FRY: variants seen among roughly 807,000 people sequenced by gnomAD.
The protein encoded by FRY is FRY microtubule binding protein.
A neutral mutation model predicts 348.4 loss-of-function variants in FRY; 128 were observed. That is an observed-to-expected ratio of 0.37 (90% CI 0.32 to 0.43). The LOEUF is 0.43. FRY is among the 20% of genes least tolerant of loss of function. The probability of loss-of-function intolerance (pLI) is 1.00; values close to 1 mark genes in which losing one functional copy is unlikely to be tolerated. For synonymous variants in FRY, 1,370 were observed against 1,374.7 expected (o/e 1.00, Z 0.08); for missense variants, 2,736 against 3,695.2 (o/e 0.74, Z 6.73).
chr13:32,154,517 C>G (rs1481896881), intron 14 of FRY, among the ~76,000 whole-genome samples: 1 of 152,116 alleles, frequency 6.6e-6, no homozygotes, highest in Admixed American at 6.6e-5. Context: ...CAAAGCTTCC[C>G]ACTATACCTC....
intron 35 of FRY, among the ~76,000 whole-genome samples, chr13:32,215,957 G>A (rs1043832399): frequency 2.0e-5 from 3 of 152,130 alleles, no homozygotes; most frequent in Non-Finnish European, 4.4e-5. Flanking sequence ...AGCTAAAGTA[G>A]TAAACCTCAC....
At chr13:32,235,796 C>T (rs974575117) in intron 42 of FRY, among the ~76,000 whole-genome samples, 1 of 152,044 alleles carries the variant, frequency 6.6e-6, no homozygotes, top group African/African-American at 2.4e-5. Flanking sequence ...TTTCAAATGC[C>T]CACCCTCCCC....
intron 1 of FRY, among the ~76,000 whole-genome samples, chr13:32,063,599 T>G (rs1874072310): frequency 6.6e-6 from 1 of 152,230 alleles, no homozygotes; most frequent in African/African-American, 2.4e-5. Flanking sequence ...TCTGCTATTT[T>G]TCTCTTCTCC....
intron 29 of FRY, among the ~76,000 whole-genome samples, chr13:32,195,478 A>T (rs929778266): frequency 2.0e-5 from 3 of 152,178 alleles, no homozygotes; most frequent in African/African-American, 7.2e-5. Flanking sequence ...TTTAAAAAAT[A>T]TATTTAGAAT....
chr13:32,263,626 A>G (rs552419595), intron 53 of FRY, among the ~76,000 whole-genome samples: 139 of 152,326 alleles, frequency 9.1e-4, no homozygotes, highest in Non-Finnish European at 1.6e-3. Flanking sequence ...CACAAAATAT[A>G]TGTGCATTTG....
At chr13:32,269,188 T>A (rs1306288400) in intron 55 of FRY, among the ~76,000 whole-genome samples, 3 of 152,206 alleles carry the variant, frequency 2.0e-5, no homozygotes, top group Non-Finnish European at 4.4e-5. Context: ...ACTAAAATTA[T>A]GTCCCTCTTA....
chr13:32,285,047 C>A (rs1466400626), intron 58 of FRY, among the ~76,000 whole-genome samples: 1 of 152,070 alleles, frequency 6.6e-6, no homozygotes, highest in Non-Finnish European at 1.5e-5. Context: ...GAAAACATAC[C>A]TCTAAATCCA....
intron 51 of FRY, among the ~76,000 whole-genome samples, chr13:32,260,539 C>A (rs1887575323): frequency 6.6e-6 from 1 of 152,080 alleles, no homozygotes; most frequent in Admixed American, 6.6e-5. Flanking sequence ...CTTACATGGC[C>A]ACTTAAGCTA....
chr13:32,256,015 A>G (rs868788280), intron 51 of FRY, among the ~76,000 whole-genome samples: 9 of 152,348 alleles, frequency 5.9e-5, no homozygotes, highest in Non-Finnish European at 1.0e-4. Context: ...TGTAAAGCGA[A>G]GTAATCCGAC....
At chr13:32,066,895 T>G (rs1423024360) in intron 1 of FRY, among the ~76,000 whole-genome samples, 1 of 152,258 alleles carries the variant, frequency 6.6e-6, no homozygotes, top group African/African-American at 2.4e-5. Context: ...GTTTTTCATA[T>G]ATGCTCTTCT....
At chr13:32,255,583 G>A (rs1048552580) in intron 51 of FRY, among the ~76,000 whole-genome samples, 11 of 152,160 alleles carry the variant, frequency 7.2e-5, no homozygotes, top group Non-Finnish European at 1.0e-4. Context: ...GATCCGGTCC[G>A]TAAGCAGTAT....
chr13:32,264,558 T>C (rs1229008837), intron 53 of FRY, among the ~76,000 whole-genome samples: 3 of 152,222 alleles, frequency 2.0e-5, no homozygotes, highest in African/African-American at 7.2e-5. Flanking sequence ...TGATCTGTAA[T>C]CCAGTTGCCT....
At chr13:32,090,822 AT>A (rs1876248219) in intron 2 of FRY, among the ~76,000 whole-genome samples, 1 of 152,058 alleles carries the variant, frequency 6.6e-6, no homozygotes. Flanking sequence ...CACTGTTCAA[AT>A]AATGGATTTG....
At chr13:32,287,141 G>T (rs1405843618) in intron 58 of FRY, among the ~76,000 whole-genome samples, 2 of 151,232 alleles carry the variant, frequency 1.3e-5, no homozygotes, top group African/African-American at 4.9e-5. Flanking sequence ...CTCCAGCCTG[G>T]GCGACAGAGT....
At chr13:32,278,305 C>T (rs924338152) in intron 57 of FRY, among the ~76,000 whole-genome samples, 160 bp from the exon 58 acceptor site, 4 of 152,232 alleles carry the variant, frequency 2.6e-5, no homozygotes, top group African/African-American at 9.6e-5. Flanking sequence ...AACAGTTCAT[C>T]TTTAACCCCC....
At position 32,228,631 on chromosome 13, in the gene FRY, G is replaced by C; in HGVS notation, c.5382G>C (p.Lys1794Asn). ...CTGAAACAGATGAGAAGGCAAACAAGCTCATTGAGTTTCTCACGACCAGGT... is the reference window on the plus strand; with the variant it reads ...CTGAAACAGATGAGAAGGCAAACAACCTCATTGAGTTTCTCACGACCAGGT... The part of the protein sequence containing the change: ...TAAETDEKAN[K>N]LIEFLTTRAF... The change falls in exon 40 of 61, where the codon AAG (lysine) becomes AAC (asparagine). Residue 1794 changes from lysine (K) to asparagine (N), a missense_variant. This residue lies in a region of FRY where 794 missense variants were observed against 977.0 expected (regional missense o/e 0.81). Coordinates refer to ENST00000542859, the MANE Select transcript of FRY (RefSeq NM_023037.3). The C allele has an allele frequency of 1.9e-6, 3 of 1,614,118 alleles. No homozygotes were observed. In the African/African-American group the frequency reaches 4.0e-5, roughly 22 times the overall value.
chr13:32,074,352 T>G (rs1390298244), intron 1 of FRY, among the ~76,000 whole-genome samples: 1 of 152,006 alleles, frequency 6.6e-6, no homozygotes, highest in African/African-American at 2.4e-5. Flanking sequence ...AAACCAAGAT[T>G]AAAATGTAAA....
At chr13:32,126,603 C>T (rs1879035721) in intron 7 of FRY, among the ~76,000 whole-genome samples, 1 of 152,230 alleles carries the variant, frequency 6.6e-6, no homozygotes, top group Admixed American at 6.5e-5. Flanking sequence ...ACCGTTTGGC[C>T]AGTCTGCTCT....
chr13:32,212,893 C>G (rs1306818443), intron 35 of FRY, among the ~76,000 whole-genome samples: 1 of 152,108 alleles, frequency 6.6e-6, no homozygotes, highest in Non-Finnish European at 1.5e-5. Flanking sequence ...AATAATATTT[C>G]CCCTATATCT....
Sources: gnomAD v4.1 joint callset for allele counts (sites outside exome capture counted in the v4.1 genomes callset) on GRCh38, gnomAD v4.1.1 for gene constraint, gnomAD v4.1.1 regional missense constraint, MANE v1.5 for transcripts, NCBI Gene and HGNC (gene_info 2026-07-23, HGNC 2026-07-21) for gene names.